IGFL2: variants seen among roughly 807,000 people sequenced by gnomAD.
The protein encoded by IGFL2 is IGF like family member 2.
Under a neutral mutation model 13.9 loss-of-function variants are expected in IGFL2, and 7 were observed. That is an observed-to-expected ratio of 0.51 (90% CI 0.29 to 0.95). IGFL2 has a LOEUF of 0.95. Among genes scored for constraint, IGFL2 ranks in the 40% least tolerant of loss-of-function variants. IGFL2 has a pLI of 0.08. For missense variants in IGFL2, 138 were observed against 147.8 expected (o/e 0.93, Z 0.34); for synonymous variants, 55 against 55.8 (o/e 0.99, Z 0.07).
chr19:46,172,018 C>T, the IGFL2 span, among the ~76,000 whole-genome samples: 122 of 152,250 alleles, frequency 8.0e-4, 2 homozygotes, highest in Non-Finnish European at 2.8e-4. Context: ...AGAAACATCC[C>T]TAATTCAAAA....
At chr19:46,137,359 A>G in the IGFL2 span, 16 of 1,133,482 alleles carry the variant, frequency 1.4e-5, no homozygotes, top group Non-Finnish European at 2.0e-5. Context: ...TGAACCAGTT[A>G]CAGACCTGTA....
At chr19:46,126,431 T>C in the IGFL2 span, among the ~76,000 whole-genome samples, 181 of 152,334 alleles carry the variant, frequency 1.2e-3, no homozygotes, top group Non-Finnish European at 1.7e-3. Context: ...TTTCTTTGAA[T>C]TTTCTTTCAT....
At chr19:46,183,938 T>G in the IGFL2 span, among the ~76,000 whole-genome samples, 2 of 152,250 alleles carry the variant, frequency 1.3e-5, no homozygotes, top group Non-Finnish European at 2.9e-5. Flanking sequence ...CTTCTAGGTT[T>G]TCAGCATTTT....
the IGFL2 span, among the ~76,000 whole-genome samples, chr19:46,186,920 AGT>A: frequency 5.8e-4 from 88 of 152,332 alleles, no homozygotes; most frequent in African/African-American, 2.0e-3. Flanking sequence ...AAATAACCTA[AGT>A]TTATTTAAGC....
chr19:46,211,844 A>G, the IGFL2 span, among the ~76,000 whole-genome samples: 5 of 150,174 alleles, frequency 3.3e-5, no homozygotes, highest in Non-Finnish European at 7.4e-5. Flanking sequence ...AGGCTGGCAG[A>G]TTTTGGTTCC....
chr19:46,110,703 A>G, the IGFL2 span, among the ~76,000 whole-genome samples: 2 of 152,344 alleles, frequency 1.3e-5, no homozygotes, highest in East Asian at 1.9e-4. Context: ...TAAGCATGCA[A>G]TACAGTTTAT....
chr19:46,126,732 T>C, the IGFL2 span, among the ~76,000 whole-genome samples: 1 of 152,224 alleles, frequency 6.6e-6, no homozygotes, highest in Non-Finnish European at 1.5e-5. Context: ...TTTTCTGATA[T>C]TTAAAATGAC....
intron 1 of IGFL2, among the ~76,000 whole-genome samples, chr19:46,151,851 G>A (rs925414248): frequency 3.3e-5 from 5 of 152,178 alleles, no homozygotes; most frequent in African/African-American, 1.2e-4. Flanking sequence ...GGCGGAGGTT[G>A]CAGTGAGTCA....
At chr19:46,116,364 T>G in the IGFL2 span, among the ~76,000 whole-genome samples, 1 of 152,186 alleles carries the variant, frequency 6.6e-6, no homozygotes, top group Non-Finnish European at 1.5e-5. Flanking sequence ...TGCTGTGAGT[T>G]TAAGGACATT....
upstream of IGFL2, chr19:46,148,130 T>C: frequency 3.2e-6 from 2 of 626,832 alleles, no homozygotes; most frequent in South Asian, 4.2e-5. Context: ...TTATGCTTTC[T>C]GTGGCTTCTC....
At chr19:46,129,954 G>T in the IGFL2 span, among the ~76,000 whole-genome samples, 1 of 152,204 alleles carries the variant, frequency 6.6e-6, no homozygotes, top group African/African-American at 2.4e-5. Flanking sequence ...AATACTGTCA[G>T]TGAGGTATTG....
At chr19:46,169,623 G>A in the IGFL2 span, among the ~76,000 whole-genome samples, 9 of 152,152 alleles carry the variant, frequency 5.9e-5, no homozygotes, top group East Asian at 5.8e-4. Flanking sequence ...CAAGGTGGGC[G>A]GATCACCTGA....
the IGFL2 span, among the ~76,000 whole-genome samples, chr19:46,130,993 G>C: frequency 1.6e-4 from 25 of 152,156 alleles, no homozygotes; most frequent in African/African-American, 6.0e-4. Flanking sequence ...TTCCGCTTAC[G>C]TAAGGAGGCC....
the IGFL2 span, chr19:46,113,272 C>G: frequency 2.6e-5 from 6 of 230,808 alleles, no homozygotes; most frequent in South Asian, 2.5e-4. Flanking sequence ...CACTATCACT[C>G]CTCCAGACAG....
chr19:46,086,177 A>G, the IGFL2 span, among the ~76,000 whole-genome samples: 10 of 151,988 alleles, frequency 6.6e-5, no homozygotes, highest in African/African-American at 2.4e-4. Context: ...CTCTTTAATG[A>G]TACCTATCTC....
the IGFL2 span, among the ~76,000 whole-genome samples, chr19:46,119,101 C>T: frequency 6.6e-6 from 1 of 152,116 alleles, no homozygotes; most frequent in Admixed American, 6.5e-5. Context: ...CTTGGCTGTG[C>T]CCCGCCCTCC....
the IGFL2 span, among the ~76,000 whole-genome samples, chr19:46,102,154 C>G: frequency 6.6e-6 from 1 of 152,176 alleles, no homozygotes; most frequent in East Asian, 1.9e-4. Flanking sequence ...TGTGATTGTA[C>G]CCACTCTGCA....
the IGFL2 span, among the ~76,000 whole-genome samples, chr19:46,178,750 G>T: frequency 6.6e-6 from 1 of 152,022 alleles, no homozygotes; most frequent in Non-Finnish European, 1.5e-5. Context: ...CCACCCATAA[G>T]CCCCCACTTC....
At chr19:46,085,518 A>G in the IGFL2 span, among the ~76,000 whole-genome samples, 139 of 152,216 alleles carry the variant, frequency 9.1e-4, 1 homozygote, top group African/African-American at 3.2e-3. Flanking sequence ...ACTTTGAGCC[A>G]TTTAATTTGA....
Sources: allele counts gnomAD v4.1 joint callset (sites outside exome capture counted in the v4.1 genomes callset), GRCh38; gene constraint gnomAD v4.1.1; transcripts MANE v1.5; gene names NCBI Gene and HGNC (gene_info 2026-07-23, HGNC 2026-07-21).